HTR2A: variants seen among roughly 807,000 people sequenced by gnomAD.
The protein encoded by HTR2A is 5-HT2 receptor.
In HTR2A, 14 loss-of-function variants were observed where a neutral mutation model predicts 31.0. That is an observed-to-expected ratio of 0.45 (90% confidence interval 0.30 to 0.71). HTR2A has a LOEUF of 0.71. Among genes scored for constraint, HTR2A ranks in the 30% least tolerant of loss-of-function variants. The pLI is 0.09. For missense variants in HTR2A, 442 were observed against 573.3 expected, an observed-to-expected ratio of 0.77 and a Z score of 2.34; for synonymous variants, 209 against 225.2, an observed-to-expected ratio of 0.93 and a Z score of 0.64.
chr13:46,854,410 G>A (rs2138204329), intron 3 of HTR2A, among the ~76,000 whole-genome samples: 1 of 152,282 alleles, frequency 6.6e-6, no homozygotes, highest in East Asian at 1.9e-4. Context: ...TTGCTCCTCT[G>A]TTAGGATTAT....
chr13:46,840,948 T>C (rs1282206330), intron 3 of HTR2A, among the ~76,000 whole-genome samples: 1 of 152,166 alleles, frequency 6.6e-6, no homozygotes, highest in African/African-American at 2.4e-5. Flanking sequence ...TCCCCACATG[T>C]CGGGACAGGG....
chr13:46,870,139 A>G (rs1208689453), intron 3 of HTR2A, among the ~76,000 whole-genome samples: 10 of 152,132 alleles, frequency 6.6e-5, no homozygotes, highest in African/African-American at 2.4e-4. Context: ...TATATAATGG[A>G]TTTTTTAAAA....
chr13:46,877,869 G>A (rs78019007), intron 3 of HTR2A, among the ~76,000 whole-genome samples: 2,844 of 152,130 alleles, frequency 0.019, 83 homozygotes, highest in African/African-American at 0.065. Flanking sequence ...CTAGGCAAGA[G>A]GATGAGAAGG....
At position 46,835,443 on chromosome 13, in the gene HTR2A, A is replaced by C; in HGVS notation, c.810T>G (p.Ser270Arg). ...CTAATTTGGCCCGTGTGCCAAGATCACTTACACACAAAGTAGCTTCTTTCT... is the reference window on the plus strand; with the variant it reads ...CTAATTTGGCCCGTGTGCCAAGATCCCTTACACACAAAGTAGCTTCTTTCT... ...SLQKEATLCVSDLGTRAKLAS... is the reference protein window; with the variant it reads ...SLQKEATLCVRDLGTRAKLAS... Residue 270 changes from serine to arginine, a missense_variant, in exon 4 of 4, where the codon AGT becomes AGG. This residue lies in a region of HTR2A where 174 missense variants were observed against 195.1 expected (regional missense o/e 0.89). Coordinates refer to ENST00000542664, the MANE Select transcript of HTR2A (RefSeq NM_000621.5). The C allele has an allele frequency of 6.2e-7, 1 of 1,614,094 alleles. No homozygotes were observed. The highest frequency in any genetic ancestry group is 2.2e-5 in the East Asian group (1 of 44,882).
intron 3 of HTR2A, among the ~76,000 whole-genome samples, chr13:46,883,917 C>A (rs594242): frequency 0.016 from 2,390 of 152,224 alleles, 23 homozygotes; most frequent in Non-Finnish European, 0.024. Flanking sequence ...TGGAATCCTT[C>A]GCAAGCAGTG....
intron 3 of HTR2A, among the ~76,000 whole-genome samples, chr13:46,880,636 C>T (rs768086150): frequency 6.6e-4 from 100 of 152,052 alleles, no homozygotes; most frequent in Non-Finnish European, 1.1e-3. Flanking sequence ...GTCAGGAGAT[C>T]GAGACTAGCC....
At chr13:46,884,495 T>A (rs1284607109) in intron 3 of HTR2A, among the ~76,000 whole-genome samples, 4 of 152,122 alleles carry the variant, frequency 2.6e-5, no homozygotes, top group Admixed American at 6.5e-5. Flanking sequence ...AAAACCCATC[T>A]CTACTAAAAA....
intron 3 of HTR2A, among the ~76,000 whole-genome samples, chr13:46,881,877 T>C (rs894419139): frequency 7.9e-5 from 12 of 152,176 alleles, no homozygotes; most frequent in African/African-American, 2.4e-4. Context: ...GTTTACTCAG[T>C]TGATTTATTT....
At chr13:46,864,826 A>T (rs553623009) in intron 3 of HTR2A, among the ~76,000 whole-genome samples, 2 of 152,322 alleles carry the variant, frequency 1.3e-5, no homozygotes, top group East Asian at 3.9e-4. Context: ...TGGCTGTATA[A>T]AAGAGTGAGA....
chr13:46,859,382 G>T (rs1950763915), intron 3 of HTR2A, among the ~76,000 whole-genome samples: 1 of 152,140 alleles, frequency 6.6e-6, no homozygotes, highest in African/African-American at 2.4e-5. Context: ...CAGCTTAAAA[G>T]TATATTTTTA....
intron 3 of HTR2A, among the ~76,000 whole-genome samples, chr13:46,851,283 A>C (rs1950683038): frequency 6.6e-6 from 1 of 152,244 alleles, no homozygotes. Context: ...AAGACATAAG[A>C]AACAAAAGTC....
intron 3 of HTR2A, among the ~76,000 whole-genome samples, chr13:46,842,494 C>G (rs765904225): frequency 2.6e-5 from 4 of 152,044 alleles, no homozygotes; most frequent in African/African-American, 9.7e-5. Context: ...GCGGCAGGTG[C>G]GCACATAATC....
chr13:46,846,412 CTT>C (rs1276506247), intron 3 of HTR2A, among the ~76,000 whole-genome samples: 1 of 152,202 alleles, frequency 6.6e-6, no homozygotes, highest in Non-Finnish European at 1.5e-5. Context: ...TCCAACCACT[CTT>C]GTTTGGTGCT....
intron 3 of HTR2A, among the ~76,000 whole-genome samples, chr13:46,850,324 G>A (rs929764278): frequency 6.6e-6 from 1 of 152,174 alleles, no homozygotes; most frequent in Non-Finnish European, 1.5e-5. Context: ...TATCCTAAGT[G>A]CTTTATACAG....
chr13:46,843,142 C>T lies in HTR2A; in HGVS notation c.614-7503G>A, dbSNP rs569098398. 2.0e-5 allele frequency among the ~76,000 whole-genome samples: 3 copies of T among 152,240 alleles called. No homozygotes were observed. In the East Asian group the frequency reaches 5.8e-4, roughly 29 times the overall value. On this transcript the variant is annotated intron_variant, in intron 3 of 3. Transcript: ENST00000542664. ...GATCAACTATTGTGGGATCACAATGCTTGTGTTCAAGAAACCCTTATTTTA... is the reference window on the plus strand; with the variant it reads ...GATCAACTATTGTGGGATCACAATGTTTGTGTTCAAGAAACCCTTATTTTA...
At chr13:46,850,958 G>A (rs1950679711) in intron 3 of HTR2A, among the ~76,000 whole-genome samples, 1 of 152,166 alleles carries the variant, frequency 6.6e-6, no homozygotes, top group Non-Finnish European at 1.5e-5. Flanking sequence ...GATGTTGAAT[G>A]TTTTTCCTCC....
In HTR2A at chr13:46,896,889, G is replaced by A. The variant is rs1253972292; in HGVS notation, c.-544C>T. ...GGATCCTGTTGGCTTCCTCTGGCAC[G>A]GCTCGGCTGGGTTCCTCCCTCCCTG... On this transcript the variant is annotated 5_prime_UTR_variant, in exon 1 of 4. Coordinates refer to ENST00000542664, the MANE Select transcript of HTR2A (RefSeq NM_000621.5). The A allele has an allele frequency of 2.0e-6, 3 of 1,467,972 alleles. No individual in the cohort carries two copies. The highest frequency in any genetic ancestry group is 2.1e-5 in the Admixed American group (1 of 47,452). 90.9% of individuals were successfully genotyped at this position (1,467,972 alleles called of 1,614,324 possible).
chr13:46,847,315 T>C (rs1950650292), intron 3 of HTR2A, among the ~76,000 whole-genome samples: 1 of 152,210 alleles, frequency 6.6e-6, no homozygotes, highest in South Asian at 2.1e-4. Context: ...TTTTCTGGCA[T>C]CTCTGCAGTC....
chr13:46,859,333 C>T (rs1950763256), intron 3 of HTR2A, among the ~76,000 whole-genome samples: 1 of 152,196 alleles, frequency 6.6e-6, no homozygotes, highest in Non-Finnish European at 1.5e-5. Context: ...CCTGTTATTA[C>T]TATCATGGCT....
Sources: allele counts gnomAD v4.1 joint callset (sites outside exome capture counted in the v4.1 genomes callset), GRCh38; gene constraint gnomAD v4.1.1; regional missense constraint gnomAD v4.1.1; transcripts MANE v1.5; gene names NCBI Gene and HGNC (gene_info 2026-07-23, HGNC 2026-07-21).